FAM120B: variants seen among roughly 807,000 people sequenced by gnomAD.
FAM120B encodes the protein constitutive coactivator of peroxisome proliferator-activated receptor gamma.
A neutral mutation model predicts 96.3 loss-of-function variants in FAM120B; 83 were observed. That is an observed-to-expected ratio of 0.86 (90% CI 0.72 to 1.03). The LOEUF (loss-of-function observed/expected upper bound fraction) is 1.03, where lower values mean the gene tolerates loss of function less well. Ranked by LOEUF, FAM120B falls within the 50% of genes least tolerant of loss-of-function variation. The probability of loss-of-function intolerance (pLI) is 0.00; values close to 1 mark genes in which losing one functional copy is unlikely to be tolerated. For synonymous variants in FAM120B, 407 were observed against 402.7 expected (o/e 1.01, Z -0.13); for missense variants, 1,027 against 1,121.2 (o/e 0.92, Z 1.20).
At chr6:170,309,800 G>A (rs1266448854) in intron 1 of FAM120B, among the ~76,000 whole-genome samples, 1 of 152,188 alleles carries the variant, frequency 6.6e-6, no homozygotes, top group African/African-American at 2.4e-5. Context: ...TGCCCATTAA[G>A]CACCAAAATA....
At chr6:170,373,241 A>C (rs1263412460) in intron 6 of FAM120B, among the ~76,000 whole-genome samples, 2 of 152,142 alleles carry the variant, frequency 1.3e-5, no homozygotes, top group East Asian at 3.9e-4. Flanking sequence ...TTTATTCCAG[A>C]GCACCTTAAA....
At position 170,319,087 on chromosome 6, in the gene FAM120B, A is replaced by C. The variant is rs779111167; in HGVS notation, c.1697A>C (p.Gln566Pro). Reference protein sequence around the residue: ...DPTNVGPEVKQQVTMVSDTEI... With the variant: ...DPTNVGPEVKPQVTMVSDTEI... ...ACAAATGTGGGGCCTGAAGTAAAGCAACAAGTAACCATGGTTTCAGACACT... is the reference window on the plus strand; with the variant it reads ...ACAAATGTGGGGCCTGAAGTAAAGCCACAAGTAACCATGGTTTCAGACACT... Residue 566 changes from glutamine (Q) to proline (P), a missense_variant, in exon 2 of 11, where the codon CAA becomes CCA. Physicochemically the swap from Gln to Pro is moderately conservative, Grantham distance 76 (BLOSUM62 -1). Coordinates refer to ENST00000476287, the MANE Select transcript of FAM120B (RefSeq NM_032448.3). 67 of 1,582,182 alleles carry C rather than the reference A, an allele frequency of 4.2e-5. No homozygotes were observed. The highest frequency in any genetic ancestry group is 5.6e-5 in the Non-Finnish European group (65 of 1,166,256).
chr6:170,296,687 G>C (rs908857488), intron 1 of FAM120B, among the ~76,000 whole-genome samples: 7 of 151,988 alleles, frequency 4.6e-5, no homozygotes, highest in Non-Finnish European at 8.8e-5. Context: ...GAAACCGCGC[G>C]TTCCCAGAGG....
intron 7 of FAM120B, among the ~76,000 whole-genome samples, chr6:170,389,703 G>A (rs1790381316): frequency 6.6e-6 from 1 of 152,044 alleles, no homozygotes; most frequent in African/African-American, 2.4e-5. Context: ...AGGACTGCAG[G>A]CGCGCATCAC....
At chr6:170,388,131 T>G (rs535964398) in intron 6 of FAM120B, among the ~76,000 whole-genome samples, 156 bp from the exon 7 acceptor site, 15 of 152,346 alleles carry the variant, frequency 9.8e-5, no homozygotes, top group Admixed American at 8.5e-4. Flanking sequence ...TCAGTAGAGC[T>G]GGTGAAGCTC....
At chr6:170,384,373 A>G (rs905300661) in intron 6 of FAM120B, among the ~76,000 whole-genome samples, 8 of 152,208 alleles carry the variant, frequency 5.3e-5, no homozygotes, top group African/African-American at 1.7e-4. Context: ...AGTCGTTTCA[A>G]AATAAAAATT....
At chr6:170,399,251 A>C (rs867656718) in intron 9 of FAM120B, among the ~76,000 whole-genome samples, 1 of 143,680 alleles carries the variant, frequency 7.0e-6, no homozygotes, top group Non-Finnish European at 1.5e-5. Flanking sequence ...AGTGAGTGAG[A>C]AAGGTAGAAC....
At chr6:170,303,096 T>C (rs1201699392), upstream of FAM120B, among the ~76,000 whole-genome samples, 1 of 152,192 alleles carries the variant, frequency 6.6e-6, no homozygotes, top group African/African-American at 2.4e-5. Context: ...CAAATATTTA[T>C]AATCTTAAAA....
At chr6:170,361,545 C>T (rs1788461037) in intron 6 of FAM120B, among the ~76,000 whole-genome samples, 2 of 152,170 alleles carry the variant, frequency 1.3e-5, no homozygotes, top group South Asian at 4.1e-4. Context: ...CAAGGACAGG[C>T]CTGTGAGCAG....
At chr6:170,307,433 A>C (rs1784360082) in intron 1 of FAM120B, among the ~76,000 whole-genome samples, 1 of 152,224 alleles carries the variant, frequency 6.6e-6, no homozygotes, top group Non-Finnish European at 1.5e-5. Context: ...CAATGTAGAA[A>C]GAAAAGGGTC....
intron 4 of FAM120B, among the ~76,000 whole-genome samples, chr6:170,331,713 T>C (rs933914092): frequency 6.6e-6 from 1 of 152,252 alleles, no homozygotes; most frequent in Non-Finnish European, 1.5e-5. Flanking sequence ...CTGTTCGTCA[T>C]TGTGTCAAGA....
Position 170,405,476 on chromosome 6 carries a change from G to A in FAM120B, c.*725G>A, listed in dbSNP as rs747023213. On this transcript the variant is annotated 3_prime_UTR_variant, in exon 11 of 11. Transcript: ENST00000476287. ...GGGCATGACAGAGCGGGAGGCACAAGGTTTCATCACACTATTCACAATGGC... is the reference window on the plus strand; with the variant it reads ...GGGCATGACAGAGCGGGAGGCACAAAGTTTCATCACACTATTCACAATGGC... The A allele has an allele frequency of 2.6e-5, 4 of 152,304 alleles. No homozygotes were observed. The highest frequency in any genetic ancestry group is 2.1e-4 in the South Asian group (1 of 4,820). 9.4% of individuals were successfully genotyped at this position (152,304 alleles called of 1,614,324 possible).
At chr6:170,383,788 C>CATGTGATTATCCCAGAGAA (rs1554290596) in intron 6 of FAM120B, among the ~76,000 whole-genome samples, 1 of 152,078 alleles carries the variant, frequency 6.6e-6, no homozygotes, top group Non-Finnish European at 1.5e-5. Flanking sequence ...CATGCCTGGG[C>CATGTGATTATCCCAGAGAA]ATGAAAACTT....
At chr6:170,361,196 GTGTATA>G (rs1356278164) in intron 6 of FAM120B, among the ~76,000 whole-genome samples, 2 of 29,738 alleles carry the variant, frequency 6.7e-5, no homozygotes. Flanking sequence ...ATATATATAC[GTGTATA>G]TATATATATA....
chr6:170,377,200 C>T (rs1478655949), intron 6 of FAM120B, among the ~76,000 whole-genome samples: 1 of 107,126 alleles, frequency 9.3e-6, no homozygotes, highest in Non-Finnish European at 1.8e-5. Context: ...AGAACACGAG[C>T]TCACGCTGCT....
chr6:170,344,861 C>G (rs1356946089), intron 4 of FAM120B, among the ~76,000 whole-genome samples: 2 of 152,238 alleles, frequency 1.3e-5, no homozygotes, highest in Non-Finnish European at 2.9e-5. Flanking sequence ...TGGGACATTT[C>G]CCTTCCCTGA....
At chr6:170,326,521 A>C (rs1785597715) in intron 3 of FAM120B, among the ~76,000 whole-genome samples, 1 of 152,196 alleles carries the variant, frequency 6.6e-6, no homozygotes, top group Non-Finnish European at 1.5e-5. Flanking sequence ...AAACCCTATA[A>C]TACATGAGGG....
intron 2 of FAM120B, among the ~76,000 whole-genome samples, chr6:170,321,265 A>G (rs1340270897): frequency 6.6e-6 from 1 of 152,230 alleles, no homozygotes; most frequent in African/African-American, 2.4e-5. Flanking sequence ...TATTTTAACC[A>G]TACATAGTCA....
intron 7 of FAM120B, among the ~76,000 whole-genome samples, chr6:170,390,164 A>G (rs905389364): frequency 2.6e-5 from 4 of 152,214 alleles, no homozygotes; most frequent in Non-Finnish European, 5.9e-5. Flanking sequence ...AAGCACTCCA[A>G]GCTTTCATAG....
Sources: allele counts gnomAD v4.1 joint callset (sites outside exome capture counted in the v4.1 genomes callset), GRCh38; gene constraint gnomAD v4.1.1; transcripts MANE v1.5; gene names NCBI Gene and HGNC (gene_info 2026-07-23, HGNC 2026-07-21).